The following SGCD variants were observed in gnomAD, a reference collection of about 807,000 sequenced individuals.
The protein encoded by SGCD is delta-sarcoglycan.
SGCD carries 18 observed loss-of-function variants against 36.6 expected under a neutral mutation model. That is an observed-to-expected ratio of 0.49 (90% CI 0.34 to 0.73). The LOEUF (loss-of-function observed/expected upper bound fraction) is 0.73. SGCD is among the 30% of genes least tolerant of loss of function. SGCD has a pLI of 0.01. For synonymous variants in SGCD, 133 were observed against 130.6 expected (o/e 1.02, Z -0.12); for missense variants, 387 against 346.7 (o/e 1.12, Z -0.92).
At chr5:156,604,936 G>A (rs1474720597) in intron 6 of SGCD, among the ~76,000 whole-genome samples, 2 of 151,320 alleles carry the variant, frequency 1.3e-5, no homozygotes, top group African/African-American at 2.4e-5. Context: ...TTTTGACTGT[G>A]TTGACTTTTA....
intron 3 of SGCD, among the ~76,000 whole-genome samples, chr5:156,223,145 T>A (rs1764761122): frequency 6.6e-6 from 1 of 152,126 alleles, no homozygotes; most frequent in Non-Finnish European, 1.5e-5. Context: ...TTGGATATAT[T>A]GGTTTATCAG....
intron 1 of SGCD, among the ~76,000 whole-genome samples, chr5:155,879,766 A>ATG (rs1461282225): frequency 6.6e-6 from 1 of 152,174 alleles, no homozygotes; most frequent in Non-Finnish European, 1.5e-5. Context: ...TTTCATATTA[A>ATG]AAACGTTATT....
chr5:155,744,329 G>A, the SGCD span, among the ~76,000 whole-genome samples: 20 of 152,090 alleles, frequency 1.3e-4, no homozygotes, highest in African/African-American at 3.4e-4. Context: ...GTGTGGTAGC[G>A]CATGCCTGTA....
chr5:155,971,213 G>A (rs976810635), intron 1 of SGCD, among the ~76,000 whole-genome samples: 3 of 152,140 alleles, frequency 2.0e-5, no homozygotes, highest in Non-Finnish European at 4.4e-5. Flanking sequence ...TAAGGGAGGA[G>A]ACTTGGAAGT....
chr5:156,558,746 A>G (rs1051209825), intron 4 of SGCD, among the ~76,000 whole-genome samples: 2 of 152,214 alleles, frequency 1.3e-5, no homozygotes, highest in East Asian at 3.9e-4. Flanking sequence ...CTAAGTGAAT[A>G]AGATGATACT....
intron 7 of SGCD, among the ~76,000 whole-genome samples, chr5:156,724,575 C>T (rs1162807985): frequency 6.6e-6 from 1 of 151,906 alleles, no homozygotes; most frequent in Non-Finnish European, 1.5e-5. Context: ...CCTCTGCACT[C>T]CAGCCTGGGT....
intron 1 of SGCD, among the ~76,000 whole-genome samples, chr5:156,074,333 C>T (rs1760699118): frequency 1.3e-5 from 2 of 151,876 alleles, no homozygotes; most frequent in African/African-American, 4.8e-5. Flanking sequence ...CCAAAAGACA[C>T]AATCCAAATG....
Position 155,979,125 on chromosome 5 carries a change from G to A in SGCD, c.-282+108701G>A, listed in dbSNP as rs1581024189. 2.0e-5 allele frequency among the ~76,000 whole-genome samples: 3 copies of A among 152,278 alleles called. No homozygotes were observed. In the East Asian group the frequency reaches 5.8e-4, roughly 29 times the overall value. On this transcript the variant is annotated intron_variant, in intron 1 of 9. Transcript: ENST00000517913. ...AACTTGTGATTCCAGACTCTCCCAG[G>A]ATTTTAACTGTCTTGCCTGAACAGA...
chr5:156,610,325 C>T (rs1299985805), intron 6 of SGCD, among the ~76,000 whole-genome samples: 1 of 152,172 alleles, frequency 6.6e-6, no homozygotes, highest in Admixed American at 6.5e-5. Context: ...CCCTGTTTGC[C>T]TGGGTATCAG....
At chr5:155,785,116 G>A in the SGCD span, among the ~76,000 whole-genome samples, 1 of 152,042 alleles carries the variant, frequency 6.6e-6, no homozygotes, top group African/African-American at 2.4e-5. Flanking sequence ...AAAACTCTTT[G>A]TGGTAATGAA....
chr5:156,188,668 G>A (rs2871770), intron 3 of SGCD, among the ~76,000 whole-genome samples: 946 of 90,178 alleles, frequency 0.01, 9 homozygotes, highest in African/African-American at 0.019. Context: ...CACCCCAACC[G>A]CCCCCCCCGA....
At chr5:155,785,420 G>A in the SGCD span, among the ~76,000 whole-genome samples, 1 of 151,872 alleles carries the variant, frequency 6.6e-6, no homozygotes, top group Non-Finnish European at 1.5e-5. Context: ...TTGTTTCTTT[G>A]TGGTGGAAAC....
the SGCD span, among the ~76,000 whole-genome samples, chr5:155,819,246 C>G: frequency 6.6e-6 from 1 of 152,144 alleles, no homozygotes; most frequent in Non-Finnish European, 1.5e-5. Context: ...TCTCTATAAA[C>G]TTGAAATTCC....
chr5:155,788,363 T>C, the SGCD span, among the ~76,000 whole-genome samples: 1 of 152,176 alleles, frequency 6.6e-6, no homozygotes, highest in African/African-American at 2.4e-5. Context: ...AGAATATTGA[T>C]GGAATGTAAA....
chr5:156,097,742 A>G (rs923941225), intron 1 of SGCD, among the ~76,000 whole-genome samples: 1 of 152,050 alleles, frequency 6.6e-6, no homozygotes, highest in African/African-American at 2.4e-5. Context: ...TTCTTATTCA[A>G]GTTGTGATTG....
the SGCD span, among the ~76,000 whole-genome samples, chr5:155,727,933 C>G: frequency 6.6e-6 from 1 of 152,210 alleles, no homozygotes; most frequent in Non-Finnish European, 1.5e-5. Context: ...TACTAGAAAC[C>G]TGTCCCCTTG....
At chr5:156,731,160 AAAAAC>A (rs1345081822) in intron 7 of SGCD, among the ~76,000 whole-genome samples, 2 of 152,034 alleles carry the variant, frequency 1.3e-5, no homozygotes, top group African/African-American at 4.8e-5. Flanking sequence ...TTTACAAGAA[AAAAAC>A]AAGCAAATTT....
chr5:156,655,511 G>C (rs146351787), intron 7 of SGCD, among the ~76,000 whole-genome samples: 3 of 152,136 alleles, frequency 2.0e-5, no homozygotes, highest in African/African-American at 4.8e-5. Context: ...TAAGATGCTT[G>C]TAAATAATCC....
chr5:156,182,368 A>G (rs555188783), intron 3 of SGCD, among the ~76,000 whole-genome samples: 3 of 152,202 alleles, frequency 2.0e-5, no homozygotes, highest in Non-Finnish European at 4.4e-5. Flanking sequence ...AGGTGGGTGG[A>G]TCACTTGAGT....
Sources: gnomAD v4.1 joint callset for allele counts (sites outside exome capture counted in the v4.1 genomes callset) on GRCh38, gnomAD v4.1.1 for gene constraint, MANE v1.5 for transcripts, NCBI Gene and HGNC (gene_info 2026-07-23, HGNC 2026-07-21) for gene names.